Variants in KCNN3 observed in about 807,000 individuals in gnomAD.
KCNN3 encodes the protein potassium calcium-activated channel subfamily N member 3.
KCNN3 carries 16 observed loss-of-function variants against 62.9 expected under a neutral mutation model. The ratio of observed to expected loss-of-function variants is 0.25; its 90% CI spans 0.17 to 0.39. The LOEUF is 0.39. KCNN3 is among the 10% of genes least tolerant of loss of function. KCNN3 has a pLI of 1.00. For missense variants in KCNN3, 599 were observed against 949.4 expected, an observed-to-expected ratio of 0.63 and a Z score of 4.85; for synonymous variants, 370 against 389.2, an observed-to-expected ratio of 0.95 and a Z score of 0.58.
intron 2 of KCNN3, among the ~76,000 whole-genome samples, chr1:154,779,065 AGCCAGTACCAGCT>A (rs1486865916): frequency 2.6e-5 from 4 of 152,140 alleles, no homozygotes; most frequent in Non-Finnish European, 5.9e-5. Flanking sequence ...CCCAGCCTGC[AGCCAGTACCAGCT>A]GCCAGCCATC....
intron 2 of KCNN3, among the ~76,000 whole-genome samples, chr1:154,774,008 T>G (rs1648685469): frequency 1.3e-5 from 2 of 152,282 alleles, no homozygotes; most frequent in South Asian, 4.1e-4. Context: ...CACTACTGGC[T>G]CCATGATCCT....
chr1:154,699,211 C>A lies in KCNN3; in HGVS notation c.*8765G>T, dbSNP rs1342373859. On this transcript the variant is annotated 3_prime_UTR_variant, in exon 8 of 8. Transcript: ENST00000271915. ...TTTTTTTTTTTTTTAATATCCTTTA[C>A]CTTTTTAATAAAAAGTAAAAAACAA... is the stretch of plus-strand genomic sequence containing the variant. The A allele has an allele frequency of 1.3e-5, 2 of 148,540 alleles. No homozygotes were observed. Among genetic ancestry groups the A allele is most frequent in the Admixed American group, 6.7e-5 (1 of 14,946 alleles). 9.2% of individuals were successfully genotyped at this position (148,540 alleles called of 1,614,324 possible).
intron 3 of KCNN3, among the ~76,000 whole-genome samples, chr1:154,757,534 A>T (rs558590810): frequency 1.3e-5 from 2 of 152,330 alleles, no homozygotes; most frequent in East Asian, 3.9e-4. Context: ...AGAGTGCCCA[A>T]TCTAAACAGA....
chr1:154,777,156 T>C (rs1039425276), intron 2 of KCNN3, among the ~76,000 whole-genome samples: 1 of 152,116 alleles, frequency 6.6e-6, no homozygotes, highest in Non-Finnish European at 1.5e-5. Flanking sequence ...GGGAATAGAC[T>C]AGACAATCCC....
intron 2 of KCNN3, among the ~76,000 whole-genome samples, chr1:154,798,501 A>G (rs1302813191): frequency 2.6e-5 from 4 of 152,230 alleles, no homozygotes; most frequent in Admixed American, 2.6e-4. Flanking sequence ...CTTATCTCTG[A>G]CTATTAATCA....
chr1:154,868,900 ATCTCTCTC>A (rs60145117), intron 1 of KCNN3, 124 bp downstream of exon 1: 42,086 of 728,594 alleles, frequency 0.058, 14 homozygotes, highest in East Asian at 0.22. Flanking sequence ...CAATCTCTCA[ATCTCTCTC>A]TCTCTCTCTC....
At chr1:154,761,921 C>T (rs1279035301) in intron 3 of KCNN3, among the ~76,000 whole-genome samples, 1 of 152,196 alleles carries the variant, frequency 6.6e-6, no homozygotes, top group Admixed American at 6.5e-5. Flanking sequence ...GCCCGGGCGA[C>T]AGAATGAGAC....
chr1:154,718,062 G>C (rs1557940086), intron 5 of KCNN3, among the ~76,000 whole-genome samples: 2 of 152,138 alleles, frequency 1.3e-5, no homozygotes. Context: ...AGAGGCACCA[G>C]GGCCAAAAGA....
chr1:154,794,086 G>A (rs987172752), intron 2 of KCNN3, among the ~76,000 whole-genome samples: 2 of 152,176 alleles, frequency 1.3e-5, no homozygotes, highest in Admixed American at 6.5e-5. Context: ...TCTCCTTCTT[G>A]ACACACAATC....
chr1:154,822,198 G>A lies in KCNN3; in HGVS notation c.934-14C>T, dbSNP rs1208160302. ...AAACATGGAGTCCTGCAGGAACAAT[G>A]GAGAGAGAGAATTAGGGAGTGCGGG... On this transcript the variant is annotated splice_polypyrimidine_tract_variant and intron_variant, in intron 1 of 7. Transcript: ENST00000271915. 1 of 1,580,332 alleles carries A rather than the reference G, an allele frequency of 6.3e-7. No individual in the cohort carries two copies. Among genetic ancestry groups the A allele is most frequent in the Non-Finnish European group, 8.7e-7 (1 of 1,149,090 alleles).
intron 6 of KCNN3, among the ~76,000 whole-genome samples, chr1:154,714,264 T>TA (rs1700160058): frequency 3.1e-4 from 1 of 3,190 alleles, no homozygotes; most frequent in Non-Finnish European, 6.4e-4. Context: ...GTGTGATGTG[T>TA]GGTATGTGGT....
chr1:154,743,621 T>C (rs1557952763), intron 3 of KCNN3, among the ~76,000 whole-genome samples: 4 of 152,182 alleles, frequency 2.6e-5, no homozygotes. Context: ...GAAAGCGTAC[T>C]TCAAATTCTG....
At position 154,756,351 on chromosome 1, in the gene KCNN3, G is replaced by A. The variant is rs374531589; in HGVS notation, c.1448+15624C>T. 3.3e-5 allele frequency among the ~76,000 whole-genome samples: 5 copies of A among 152,092 alleles called. No homozygotes were observed. In the East Asian group the frequency reaches 9.6e-4, roughly 29 times the overall value. On this transcript the variant is annotated intron_variant, in intron 3 of 7. Transcript: ENST00000271915. ...AGAAGAAGAGGAGGAGGAAGAAGAA[G>A]AAACAACAAGTAAATAAAAAGATAA...
At chr1:154,808,943 C>T (rs928231602) in intron 2 of KCNN3, among the ~76,000 whole-genome samples, 11 of 152,126 alleles carry the variant, frequency 7.2e-5, no homozygotes, top group Admixed American at 2.0e-4. Context: ...GGGCGGCTCC[C>T]GCAGAGCCGC....
chr1:154,796,717 C>G (rs1324612988), intron 2 of KCNN3, among the ~76,000 whole-genome samples: 1 of 152,238 alleles, frequency 6.6e-6, no homozygotes. Context: ...GTCAGCATGC[C>G]AGCTCACCGG....
intron 3 of KCNN3, among the ~76,000 whole-genome samples, chr1:154,741,829 C>A (rs1700827643): frequency 6.6e-6 from 1 of 152,222 alleles, no homozygotes; most frequent in Admixed American, 6.5e-5. Context: ...AGATCCTCTG[C>A]AGAACTCCAA....
chr1:154,743,227 ACCCTCTCACCTGGATCAGCACCG>A (rs980052783), intron 3 of KCNN3, among the ~76,000 whole-genome samples: 1 of 147,952 alleles, frequency 6.8e-6, no homozygotes, highest in African/African-American at 2.5e-5. Flanking sequence ...CTCCAGCCCC[ACCCTCTCACCTGGATCAGCACCG>A]CCCTCTCACC....
chr1:154,827,344 C>T (rs961405838), intron 1 of KCNN3, among the ~76,000 whole-genome samples: 1 of 152,222 alleles, frequency 6.6e-6, no homozygotes, highest in East Asian at 1.9e-4. Context: ...TCGCTGTTCT[C>T]CATGGAGACC....
At chr1:154,786,544 C>T (rs1445874208) in intron 2 of KCNN3, among the ~76,000 whole-genome samples, 1 of 152,168 alleles carries the variant, frequency 6.6e-6, no homozygotes, top group Non-Finnish European at 1.5e-5. Context: ...GAGAAACTTA[C>T]AGCATAATGG....
Sources: gnomAD v4.1 joint callset for allele counts (sites outside exome capture counted in the v4.1 genomes callset) on GRCh38, gnomAD v4.1.1 for gene constraint, MANE v1.5 for transcripts, NCBI Gene and HGNC (gene_info 2026-07-23, HGNC 2026-07-21) for gene names.